Variants in DAPK1 observed in about 807,000 individuals in gnomAD.
DAPK1 encodes death associated protein kinase 1.
A neutral mutation model predicts 144.9 loss-of-function variants in DAPK1; 56 were observed. The observed-to-expected ratio is 0.39, with a 90% CI of 0.31 to 0.48. DAPK1 has a LOEUF of 0.48. DAPK1 is among the 20% of genes least tolerant of loss of function. The pLI, the probability that DAPK1 is intolerant of heterozygous loss-of-function variation, is 0.95. For missense variants in DAPK1, 1,454 were observed against 1,875.4 expected, an observed-to-expected ratio of 0.78 and a Z score of 4.15; for synonymous variants, 690 against 749.0, an observed-to-expected ratio of 0.92 and a Z score of 1.29.
upstream of DAPK1, chr9:87,497,656 T>G: frequency 5.9e-6 from 1 of 168,868 alleles, no homozygotes; most frequent in Non-Finnish European, 1.3e-5. Context: ...GTGGGGCGAG[T>G]GGGTGTGTGC....
chr9:87,681,256 C>T (rs2119333513), intron 19 of DAPK1, 148 bp from the exon 20 acceptor site: 2 of 588,188 alleles, frequency 3.4e-6, no homozygotes, highest in Non-Finnish European at 3.0e-6. Flanking sequence ...CCAGTCTGGG[C>T]AACAAGAGTG....
At chr9:87,561,792 G>C (rs982352373) in intron 2 of DAPK1, among the ~76,000 whole-genome samples, 2 of 152,216 alleles carry the variant, frequency 1.3e-5, no homozygotes, top group Admixed American at 1.3e-4. Context: ...TGTGTGGACA[G>C]TGCTTATCTG....
rs770090427 is a variant in DAPK1, at chr9:87,650,084, C to A, written c.1592C>A (p.Ala531Asp). The A allele has an allele frequency of 6.2e-7, 1 of 1,614,076 alleles. No individual in the cohort carries two copies. Among genetic ancestry groups the A allele is most frequent in the Non-Finnish European group, 8.5e-7 (1 of 1,180,034 alleles). Residue 531 changes from alanine to aspartate, a missense_variant, in exon 16 of 26, where the codon GCC (alanine) becomes GAC (aspartate). This residue lies in a region of DAPK1 where 1,025 missense variants were observed against 1,237.9 expected (regional missense o/e 0.83). Transcript: ENST00000408954. ...TACCACGACATCGTGGAGTGTCTGG[C>A]CGAACATGGAGCCGACCTTAATGCT... is the stretch of plus-strand genomic sequence containing the variant. ...RGYHDIVECL[A>D]EHGADLNACD... is the part of the protein sequence containing the mutation.
At chr9:87,583,018 C>T (rs552263287) in intron 2 of DAPK1, among the ~76,000 whole-genome samples, 82 of 152,112 alleles carry the variant, frequency 5.4e-4, no homozygotes, top group Middle Eastern at 3.4e-3. Context: ...TCTGCGATCT[C>T]GGGATTTGTC....
intron 2 of DAPK1, among the ~76,000 whole-genome samples, chr9:87,585,788 A>G (rs1334341952): frequency 6.6e-6 from 1 of 152,234 alleles, no homozygotes; most frequent in Non-Finnish European, 1.5e-5. Context: ...GAGCACTTGA[A>G]GTAGGGCTGG....
intron 13 of DAPK1, among the ~76,000 whole-genome samples, chr9:87,646,777 A>G (rs1335512232): frequency 1.3e-5 from 2 of 152,228 alleles, no homozygotes; most frequent in Non-Finnish European, 2.9e-5. Context: ...GCTGCTTGAC[A>G]TCAGCATTTC....
At chr9:87,539,017 AAAATT>A (rs1186345775) in intron 2 of DAPK1, among the ~76,000 whole-genome samples, 6 of 150,486 alleles carry the variant, frequency 4.0e-5, no homozygotes, top group Non-Finnish European at 7.4e-5. Context: ...TTTAAAATAT[AAAATT>A]AAATTAAAAC....
At chr9:87,661,012 G>A (rs530556988) in intron 18 of DAPK1, among the ~76,000 whole-genome samples, 1 of 152,116 alleles carries the variant, frequency 6.6e-6, no homozygotes, top group South Asian at 2.1e-4. Context: ...GCCCATTTTT[G>A]TATTTTTAGT....
intron 4 of DAPK1, 73 bp from the exon 5 acceptor site, chr9:87,639,281 A>G (rs1461207741): frequency 1.5e-6 from 2 of 1,301,510 alleles, no homozygotes; most frequent in Non-Finnish European, 1.0e-6. Flanking sequence ...TTTTGGAGAG[A>G]AGAACTATTC....
chr9:87,645,756 C>A (rs1335678410), intron 11 of DAPK1, 139 bp from the exon 12 acceptor site: 32 of 1,072,174 alleles, frequency 3.0e-5, no homozygotes, highest in Non-Finnish European at 2.7e-6. Context: ...CCCTCCATGA[C>A]TGTATGGATT....
At chr9:87,519,830 A>C (rs572522506) in intron 2 of DAPK1, among the ~76,000 whole-genome samples, 10 of 151,984 alleles carry the variant, frequency 6.6e-5, no homozygotes, top group African/African-American at 2.4e-4. Context: ...TCAGTGAAGT[A>C]GGGGTGGGAG....
At chr9:87,652,954 C>T (rs11141931) in intron 17 of DAPK1, among the ~76,000 whole-genome samples, 2 of 132,918 alleles carry the variant, frequency 1.5e-5, no homozygotes, top group Non-Finnish European at 1.6e-5. Context: ...GATTCTGTGT[C>T]CTCCCACCTG....
intron 2 of DAPK1, among the ~76,000 whole-genome samples, chr9:87,571,471 A>ACCCC (rs1564000804): frequency 2.8e-4 from 14 of 49,128 alleles, no homozygotes; most frequent in Non-Finnish European, 3.8e-4. Flanking sequence ...ACACACACAC[A>ACCCC]CACCAACACA....
chr9:87,530,565 G>T (rs1477714380), intron 2 of DAPK1, among the ~76,000 whole-genome samples: 1 of 152,164 alleles, frequency 6.6e-6, no homozygotes, highest in East Asian at 1.9e-4. Context: ...TGGATGAAAA[G>T]TTCTTTTATC....
rs781317130 is a variant in DAPK1, at chr9:87,605,079, G to A, written c.188G>A (p.Arg63Gln). The change falls in exon 3 of 26, where the codon CGG becomes CAG. Residue 63 changes from arginine to glutamine, a missense_variant. Physicochemically the swap from Arg to Gln is conservative, Grantham distance 43 (BLOSUM62 1). Transcript: ENST00000408954. The part of the protein sequence containing the change: ...RRGVSREDIE[R>Q]EVSILKEIQH... Reference sequence around the variant, plus strand: ...GGTGTGAGCCGCGAGGACATCGAGCGGGAGGTCAGCATCCTGAAGGAGATC... The same window carrying A: ...GGTGTGAGCCGCGAGGACATCGAGCAGGAGGTCAGCATCCTGAAGGAGATC... 10 of 1,614,072 alleles carry A rather than the reference G, an allele frequency of 6.2e-6. No homozygotes were observed. The highest frequency in any genetic ancestry group is 1.7e-5 in the Admixed American group (1 of 60,006).
intron 2 of DAPK1, among the ~76,000 whole-genome samples, chr9:87,558,738 G>A (rs972754290): frequency 3.3e-5 from 5 of 152,200 alleles, no homozygotes; most frequent in Non-Finnish European, 5.9e-5. Flanking sequence ...TCCTTGGACA[G>A]CCTGCTATAG....
chr9:87,590,896 G>A (rs897271240), intron 2 of DAPK1, among the ~76,000 whole-genome samples: 5 of 152,182 alleles, frequency 3.3e-5, no homozygotes, highest in African/African-American at 1.2e-4. Flanking sequence ...ATCTATTTGT[G>A]CCATTCTGTT....
intron 2 of DAPK1, among the ~76,000 whole-genome samples, chr9:87,566,020 C>CTTTTTT (rs11354174): frequency 1.7e-5 from 2 of 120,640 alleles, no homozygotes; most frequent in African/African-American, 6.5e-5. Context: ...TCTCAGCATT[C>CTTTTTT]TTTTTTTTTT....
chr9:87,616,991 T>A (rs1829120913), intron 3 of DAPK1, among the ~76,000 whole-genome samples: 1 of 152,206 alleles, frequency 6.6e-6, no homozygotes, highest in African/African-American at 2.4e-5. Flanking sequence ...GAAAGTAACT[T>A]CACTCTGGGT....
Sources: gnomAD v4.1 joint callset for allele counts (sites outside exome capture counted in the v4.1 genomes callset) on GRCh38, gnomAD v4.1.1 for gene constraint, gnomAD v4.1.1 regional missense constraint, MANE v1.5 for transcripts, NCBI Gene and HGNC (gene_info 2026-07-23, HGNC 2026-07-21) for gene names.